The following MCTP1 variants were observed in gnomAD, a reference collection of about 807,000 sequenced individuals.
MCTP1 encodes the protein multiple C2 and transmembrane domain-containing protein 1.
Under a neutral mutation model 120.6 loss-of-function variants are expected in MCTP1, and 69 were observed. The ratio of observed to expected loss-of-function variants is 0.57; its 90% CI spans 0.47 to 0.70. The LOEUF (loss-of-function observed/expected upper bound fraction) is 0.70. Among genes scored for constraint, MCTP1 ranks in the 30% least tolerant of loss-of-function variants. The probability of loss-of-function intolerance (pLI) is 0.00; values close to 1 mark genes in which losing one functional copy is unlikely to be tolerated. For synonymous variants in MCTP1, 529 were observed against 493.1 expected, an observed-to-expected ratio of 1.07 and a Z score of -0.96; for missense variants, 1,203 against 1,248.8, an observed-to-expected ratio of 0.96 and a Z score of 0.55.
intron 1 of MCTP1, among the ~76,000 whole-genome samples, chr5:95,061,002 ATTTTT>A (rs35187920): frequency 1.8e-3 from 196 of 107,192 alleles, no homozygotes; most frequent in African/African-American, 6.2e-3. Context: ...TCAAATGTAC[ATTTTT>A]TTTTTTTTTT....
intron 2 of MCTP1, among the ~76,000 whole-genome samples, chr5:94,982,624 C>T (rs148429358): frequency 8.7e-4 from 133 of 152,100 alleles, no homozygotes; most frequent in Middle Eastern, 3.4e-3. Flanking sequence ...AAGATGGTCA[C>T]GCACCTGTAA....
At chr5:95,229,673 G>A (rs754625984) in intron 1 of MCTP1, among the ~76,000 whole-genome samples, 16 of 151,786 alleles carry the variant, frequency 1.1e-4, no homozygotes, top group Admixed American at 6.6e-5. Flanking sequence ...CCTGGGAGGC[G>A]GAGGTTGCAG....
At chr5:94,808,614 C>A (rs1231250726) in intron 17 of MCTP1, among the ~76,000 whole-genome samples, 2 of 152,010 alleles carry the variant, frequency 1.3e-5, no homozygotes, top group Non-Finnish European at 2.9e-5. Flanking sequence ...AAGACTTGAT[C>A]TGTTGTGTTT....
At chr5:94,716,422 A>G (rs1379271368) in intron 19 of MCTP1, among the ~76,000 whole-genome samples, 3 of 152,060 alleles carry the variant, frequency 2.0e-5, no homozygotes, top group South Asian at 4.1e-4. Context: ...AGTTTCACCT[A>G]TACAATTGTG....
chr5:95,255,471 A>AAAGCTTTCTACTTAGAAC (rs1393900222), intron 1 of MCTP1, among the ~76,000 whole-genome samples: 1 of 152,164 alleles, frequency 6.6e-6, no homozygotes. Flanking sequence ...AACCAAACAA[A>AAAGCTTTCTACTTAGAAC]AAGCTTTCTA....
At chr5:95,084,033 TTA>T (rs1427305290) in intron 1 of MCTP1, among the ~76,000 whole-genome samples, 2 of 152,260 alleles carry the variant, frequency 1.3e-5, no homozygotes, top group East Asian at 3.9e-4. Context: ...TATACATTTT[TTA>T]TATGCATATT....
intron 1 of MCTP1, among the ~76,000 whole-genome samples, chr5:95,200,647 G>A (rs1750903250): frequency 6.6e-6 from 1 of 152,204 alleles, no homozygotes; most frequent in Admixed American, 6.5e-5. Context: ...ATCTTAAAAA[G>A]TTGAACTCAT....
At chr5:95,236,752 C>T (rs748682128) in intron 1 of MCTP1, among the ~76,000 whole-genome samples, 1 of 152,184 alleles carries the variant, frequency 6.6e-6, no homozygotes, top group Non-Finnish European at 1.5e-5. Context: ...TATAAAAATG[C>T]ACATAACACA....
intron 19 of MCTP1, among the ~76,000 whole-genome samples, chr5:94,735,731 AGACT>A (rs1764078903): frequency 6.6e-6 from 1 of 152,238 alleles, no homozygotes; most frequent in East Asian, 1.9e-4. Context: ...AACTACTGAT[AGACT>A]AAGTATAATT....
intron 19 of MCTP1, among the ~76,000 whole-genome samples, chr5:94,746,262 C>T (rs1035924860): frequency 5.9e-5 from 9 of 152,152 alleles, no homozygotes; most frequent in African/African-American, 2.2e-4. Context: ...GACTGGAGCC[C>T]TTTCTGCCTC....
intron 10 of MCTP1, among the ~76,000 whole-genome samples, chr5:94,902,597 T>C (rs1462609095): frequency 6.6e-6 from 1 of 152,220 alleles, no homozygotes; most frequent in African/African-American, 2.4e-5. Flanking sequence ...ATATGAGAAC[T>C]ACTTTACATT....
At chr5:94,772,266 G>A (rs1774258569) in intron 19 of MCTP1, among the ~76,000 whole-genome samples, 2 of 152,180 alleles carry the variant, frequency 1.3e-5, no homozygotes, top group East Asian at 1.9e-4. Flanking sequence ...GTGAGAACAA[G>A]GGGGTTGGAT....
chr5:94,958,004 G>C (rs534760628), intron 2 of MCTP1, among the ~76,000 whole-genome samples: 2 of 151,970 alleles, frequency 1.3e-5, no homozygotes, highest in African/African-American at 4.8e-5. Context: ...TTCTAAAATC[G>C]ACCACATAAT....
intron 1 of MCTP1, among the ~76,000 whole-genome samples, chr5:95,244,031 C>A (rs146404531): frequency 1.3e-5 from 2 of 152,182 alleles, no homozygotes; most frequent in East Asian, 1.9e-4. Flanking sequence ...TACAGTGCAA[C>A]CTTAAAAGAC....
intron 1 of MCTP1, among the ~76,000 whole-genome samples, chr5:95,192,095 T>C (rs1165772798): frequency 6.6e-6 from 1 of 151,994 alleles, no homozygotes; most frequent in Non-Finnish European, 1.5e-5. Context: ...ATCCATACCC[T>C]GCTGCTACCT....
chr5:94,747,428 A>AT lies in MCTP1; in HGVS notation c.2610+31681dup, dbSNP rs557553802. On this transcript the variant is annotated intron_variant, in intron 19 of 22. Coordinates refer to ENST00000515393, the MANE Select transcript of MCTP1 (RefSeq NM_024717.7). ...TTGGATAGCTTCCAATTCAGAAGTA[A>AT]TTTTTTTTTCTGTAAAGGGCTAAAT... 1.0e-3 allele frequency among the ~76,000 whole-genome samples: 156 copies of AT among 151,606 alleles called. 2 individuals carry two copies. In the South Asian group the frequency reaches 0.016, roughly 15 times the overall value.
chr5:95,168,976 A>C (rs975786012), intron 1 of MCTP1, among the ~76,000 whole-genome samples: 2 of 152,112 alleles, frequency 1.3e-5, no homozygotes, highest in African/African-American at 2.4e-5. Flanking sequence ...GTCTTGTGCC[A>C]GTTTTCAAAG....
chr5:94,816,243 G>A lies in MCTP1; in HGVS notation c.2437-17111C>T, dbSNP rs868571772. Among the ~76,000 whole-genome samples, 6 of 152,266 alleles carry A rather than the reference G, an allele frequency of 3.9e-5. 1 individual carries two copies. The highest frequency in any genetic ancestry group is 1.4e-4 in the African/African-American group (6 of 41,562). On this transcript the variant is annotated intron_variant, in intron 17 of 22. Transcript: ENST00000515393. ...TATATGGATACAACATTAGATGTGT[G>A]TATATAAATTTATATCATGTGTATA...
At chr5:95,255,988 G>A (rs1401742521) in intron 1 of MCTP1, among the ~76,000 whole-genome samples, 2 of 152,100 alleles carry the variant, frequency 1.3e-5, no homozygotes, top group Admixed American at 1.3e-4. Context: ...CAGAAGCATC[G>A]AATGCTCTCA....
Sources: allele counts gnomAD v4.1 joint callset (sites outside exome capture counted in the v4.1 genomes callset), GRCh38; gene constraint gnomAD v4.1.1; transcripts MANE v1.5; gene names NCBI Gene and HGNC (gene_info 2026-07-23, HGNC 2026-07-21).